The following LRP11 variants were observed in gnomAD, a reference collection of about 807,000 sequenced individuals.
The protein encoded by LRP11 is low-density lipoprotein receptor-related protein 11.
In LRP11, 25 loss-of-function variants were observed where a neutral mutation model predicts 43.1. The ratio of observed to expected loss-of-function variants is 0.58; its 90% CI spans 0.42 to 0.81. The LOEUF (loss-of-function observed/expected upper bound fraction) is 0.81, where lower values mean the gene tolerates loss of function less well. Among genes scored for constraint, LRP11 ranks in the 30% least tolerant of loss-of-function variants. The pLI, the probability that LRP11 is intolerant of heterozygous loss-of-function variation, is 0.00. For missense variants in LRP11, 623 were observed against 665.1 expected (o/e 0.94, Z 0.70); for synonymous variants, 316 against 299.4 (o/e 1.06, Z -0.57).
At position 149,863,648 on chromosome 6, in the gene LRP11, G is replaced by A. The variant is rs1300831880; in HGVS notation, c.373C>T (p.Arg125Trp). The A allele has an allele frequency of 6.8e-7, 1 of 1,472,378 alleles. No homozygotes were observed. The highest frequency in any genetic ancestry group is 8.9e-7 in the Non-Finnish European group (1 of 1,118,514). 91.2% of individuals were successfully genotyped at this position (1,472,378 alleles called of 1,614,324 possible). ...GCCGCCACGCATTGCCGCCAGCCCC[G>A]CACGGCCGCCGGCGCCCGCAGGAAG... ...ASFLRAPAAV[R>W]GWRQCVAACC... The change falls in exon 1 of 7, where the codon CGG (arginine) becomes TGG (tryptophan). Residue 125 changes from arginine (R) to tryptophan (W), a missense_variant. By Grantham distance (101) the Arg-to-Trp change is moderately radical (BLOSUM62 -3). Transcript: ENST00000239367.
chr6:149,847,096 T>C (rs886103473), intron 2 of LRP11, among the ~76,000 whole-genome samples: 1 of 152,132 alleles, frequency 6.6e-6, no homozygotes, highest in Non-Finnish European at 1.5e-5. Context: ...CAGAGCTCCC[T>C]GCAAAAGTCA....
chr6:149,853,230 G>A, intron 1 of LRP11, 70 bp from the exon 2 acceptor site: 1 of 1,290,990 alleles, frequency 7.7e-7, no homozygotes, highest in African/African-American at 1.5e-5. Context: ...GAGGTATCTT[G>A]TTTGCTGAAT....
intron 5 of LRP11, among the ~76,000 whole-genome samples, chr6:149,833,744 C>T (rs1265301500): frequency 6.6e-6 from 1 of 152,190 alleles, no homozygotes. Context: ...CCACTCTTTA[C>T]ATCTTCATAA....
At chr6:149,862,468 TA>T (rs1776923556) in intron 1 of LRP11, among the ~76,000 whole-genome samples, 1 of 152,204 alleles carries the variant, frequency 6.6e-6, no homozygotes, top group Non-Finnish European at 1.5e-5. Flanking sequence ...GTGCCTCCTG[TA>T]TGTGTCCTGA....
rs1231583187 is a variant in LRP11 at position 149,836,145 on chromosome 6, CTGT to C, written c.1189_1191del (p.Thr397del). 2 of 1,614,156 alleles carry C rather than the reference CTGT, an allele frequency of 1.2e-6. No homozygotes were observed. Among genetic ancestry groups the C allele is most frequent in the Non-Finnish European group, 8.5e-7 (1 of 1,180,040 alleles). ...CAAAAGGCGGAATGATTCCTCTTCT[CTGT>C]GTTTGATAATGCAGGTGGCTTGTTT... On this transcript the variant is annotated inframe_deletion, in exon 5 of 7. Transcript: ENST00000239367.
At chr6:149,836,353 C>G in intron 4 of LRP11, 56 bp from the exon 5 acceptor site, 1 of 1,420,016 alleles carries the variant, frequency 7.0e-7, no homozygotes, top group Non-Finnish European at 9.9e-7. Flanking sequence ...AGCTTTAATA[C>G]TAAAAACACT....
chr6:149,835,788 A>G (rs1383559028), intron 5 of LRP11, among the ~76,000 whole-genome samples: 4 of 152,164 alleles, frequency 2.6e-5, no homozygotes, highest in Admixed American at 1.3e-4. Flanking sequence ...GTTTCATCTC[A>G]AAACAACCTA....
chr6:149,822,169 G>A lies in LRP11; in HGVS notation c.1349-1466C>T, dbSNP rs148809510. Among the ~76,000 whole-genome samples the A allele has an allele frequency of 4.7e-3, 716 of 152,108 alleles. 5 individuals are homozygous for A. The highest frequency in any genetic ancestry group is 0.016 in the African/African-American group (684 of 41,492). On this transcript the variant is annotated intron_variant, in intron 6 of 6. Coordinates refer to ENST00000239367, the MANE Select transcript of LRP11 (RefSeq NM_032832.6). ...TCGAGACCAGCCTGGGCAACATGGC[G>A]AGACCTTGTCTCTACAAAAAATTAT...
intron 1 of LRP11, 84 bp from the exon 2 acceptor site, chr6:149,853,244 T>A: frequency 9.2e-7 from 1 of 1,090,258 alleles, no homozygotes; most frequent in Non-Finnish European, 1.3e-6. Context: ...GCTGAATAGA[T>A]ATGATTCGGC....
chr6:149,861,373 A>T (rs1039900948), intron 1 of LRP11, among the ~76,000 whole-genome samples: 6 of 152,184 alleles, frequency 3.9e-5, no homozygotes, highest in Non-Finnish European at 8.8e-5. Context: ...TTCTCCCAGA[A>T]ATGAGGACCA....
chr6:149,863,597 C>T lies in LRP11; in HGVS notation c.424G>A (p.Val142Met). ...CGCCGGGGCAGCTCCACCACGGCCA[C>T]GGAGCAGCGCGGCTCGGAGCAGCAG... is the stretch of plus-strand genomic sequence containing the variant. ...AACCSEPRCS[V>M]AVVELPRRPA... Residue 142 changes from valine (V) to methionine (M), a missense_variant, in exon 1 of 7, where the codon GTG becomes ATG. Transcript: ENST00000239367. 7.0e-6 allele frequency: 10 copies of T among 1,431,720 alleles called. No homozygotes were observed. Among genetic ancestry groups the T allele is most frequent in the East Asian group, 3.1e-5 (1 of 32,308 alleles). The allele number at this position is 1,431,720 out of a possible 1,614,324, so 88.7% of individuals were successfully genotyped here.
chr6:149,838,696 AAAAG>A (rs1478581360), intron 3 of LRP11, among the ~76,000 whole-genome samples: 2 of 151,978 alleles, frequency 1.3e-5, no homozygotes, highest in African/African-American at 2.4e-5. Flanking sequence ...AAAAAAAAAA[AAAAG>A]AAAGAAATAA....
chr6:149,859,396 A>ATATATATATATTTTTTTT, intron 1 of LRP11, among the ~76,000 whole-genome samples: 4 of 71,492 alleles, frequency 5.6e-5, no homozygotes, highest in African/African-American at 3.3e-4. Flanking sequence ...ATATATATAT[A>ATATATATATATTTTTTTT]TTTTTTTTTT....
intron 2 of LRP11, among the ~76,000 whole-genome samples, chr6:149,846,477 A>G (rs1421098524): frequency 6.6e-6 from 1 of 152,210 alleles, no homozygotes; most frequent in Non-Finnish European, 1.5e-5. Flanking sequence ...TGAGACTGCC[A>G]GGGAGCAGCA....
chr6:149,863,028 G>C (rs1261248520), intron 1 of LRP11, among the ~76,000 whole-genome samples: 1 of 152,152 alleles, frequency 6.6e-6, no homozygotes, highest in East Asian at 1.9e-4. Context: ...TGGGTGTTAC[G>C]AGAAGCCCGG....
chr6:149,859,396 A>ATATATATATTTTTTTTTTT, intron 1 of LRP11, among the ~76,000 whole-genome samples: 7 of 71,492 alleles, frequency 9.8e-5, no homozygotes, highest in African/African-American at 4.9e-4. Context: ...ATATATATAT[A>ATATATATATTTTTTTTTTT]TTTTTTTTTT....
chr6:149,854,935 T>C (rs915970272), intron 1 of LRP11, among the ~76,000 whole-genome samples: 5 of 152,200 alleles, frequency 3.3e-5, no homozygotes, highest in South Asian at 4.1e-4. Context: ...TCTTGATACA[T>C]TGCAGCTGAA....
intron 2 of LRP11, among the ~76,000 whole-genome samples, chr6:149,847,399 C>G (rs1776653170): frequency 1.3e-5 from 2 of 152,210 alleles, no homozygotes; most frequent in African/African-American, 4.8e-5. Flanking sequence ...CCTTCCCTAG[C>G]TCTTTTAGCT....
chr6:149,827,076 C>T lies in LRP11; in HGVS notation c.1253-717G>A, dbSNP rs1776350283. On this transcript the variant is annotated intron_variant, in intron 5 of 6. Transcript: ENST00000239367. The surrounding 1 kb of genome is among the most constrained non-coding windows in gnomAD (Gnocchi z 4.2). ...CCACCTCCTGGGTTCAAGCAATTCT[C>T]CTGCCTCAGCCTCCCGAGTAGCTGG... Among the ~76,000 whole-genome samples, 2 of 151,676 alleles carry T rather than the reference C, an allele frequency of 1.3e-5. No individual in the cohort carries two copies. The highest frequency in any genetic ancestry group is 2.9e-5 in the Non-Finnish European group (2 of 67,996).
Sources: gnomAD v4.1 joint callset for allele counts (sites outside exome capture counted in the v4.1 genomes callset) on GRCh38, gnomAD v4.1.1 for gene constraint, Gnocchi (gnomAD v3.1) non-coding constraint, MANE v1.5 for transcripts, NCBI Gene and HGNC (gene_info 2026-07-23, HGNC 2026-07-21) for gene names.